Variants in PDE4B observed in about 807,000 individuals in gnomAD.
PDE4B encodes 3',5'-cyclic-AMP phosphodiesterase 4B.
PDE4B carries 20 observed loss-of-function variants against 82.2 expected under a neutral mutation model. That is an observed-to-expected ratio of 0.24 (90% CI 0.17 to 0.35). The LOEUF (loss-of-function observed/expected upper bound fraction) is 0.35, where lower values mean the gene tolerates loss of function less well. Ranked by LOEUF, PDE4B falls within the 10% of genes least tolerant of loss-of-function variation. PDE4B has a pLI of 1.00. For missense variants in PDE4B, 655 were observed against 907.2 expected (o/e 0.72, Z 3.57); for synonymous variants, 320 against 318.9 (o/e 1.00, Z -0.04).
At chr1:65,936,137 G>A (rs1648123112) in intron 3 of PDE4B, among the ~76,000 whole-genome samples, 1 of 151,768 alleles carries the variant, frequency 6.6e-6, no homozygotes, top group Non-Finnish European at 1.5e-5. Flanking sequence ...CAACATCTGT[G>A]TCTTCCACCT....
chr1:66,249,794 T>C (rs1159982440), intron 4 of PDE4B, among the ~76,000 whole-genome samples: 1 of 151,960 alleles, frequency 6.6e-6, no homozygotes, highest in Non-Finnish European at 1.5e-5. Context: ...AGGACTTAGA[T>C]AAAAAGTAGT....
At chr1:66,259,150 A>G (rs985424498) in intron 6 of PDE4B, among the ~76,000 whole-genome samples, 1 of 152,162 alleles carries the variant, frequency 6.6e-6, no homozygotes, top group Non-Finnish European at 1.5e-5. Context: ...TTATTTATTT[A>G]TGTATTTACT....
chr1:66,190,007 G>T (rs1222615618), intron 3 of PDE4B, among the ~76,000 whole-genome samples: 8 of 152,104 alleles, frequency 5.3e-5, no homozygotes, highest in African/African-American at 1.7e-4. Context: ...AAGAAATGGG[G>T]TTTTGGTGTG....
At chr1:66,136,420 G>A (rs564028326) in intron 3 of PDE4B, among the ~76,000 whole-genome samples, 1 of 152,176 alleles carries the variant, frequency 6.6e-6, no homozygotes, top group East Asian at 1.9e-4. Context: ...GCTCACAAAG[G>A]GGCAGGGCAC....
intron 3 of PDE4B, among the ~76,000 whole-genome samples, chr1:66,030,033 G>C (rs867219594): frequency 7.4e-5 from 5 of 67,638 alleles, no homozygotes; most frequent in Non-Finnish European, 1.1e-4. Flanking sequence ...CTAATCTGTT[G>C]AGGGTTTTTT....
intron 7 of PDE4B, among the ~76,000 whole-genome samples, chr1:66,268,202 G>GAA (rs1655191740): frequency 6.6e-6 from 1 of 152,010 alleles, no homozygotes; most frequent in East Asian, 1.9e-4. Context: ...GAGAGAGAGA[G>GAA]AAATACCAAA....
intron 3 of PDE4B, among the ~76,000 whole-genome samples, chr1:65,961,931 G>A (rs1245353270): frequency 6.6e-6 from 1 of 152,164 alleles, no homozygotes; most frequent in Non-Finnish European, 1.5e-5. Context: ...CGGCTGAAGA[G>A]TCTGTAGCAT....
chr1:66,029,871 A>G (rs561060326), intron 3 of PDE4B, among the ~76,000 whole-genome samples: 2 of 152,312 alleles, frequency 1.3e-5, no homozygotes, highest in Admixed American at 6.5e-5. Flanking sequence ...ATAACAATAA[A>G]TGATCTTTGC....
intron 3 of PDE4B, among the ~76,000 whole-genome samples, chr1:66,121,495 G>A (rs76165263): frequency 0.062 from 9,456 of 152,206 alleles, 431 homozygotes; most frequent in South Asian, 0.18. Context: ...ACAGCACTGA[G>A]TTATTAAGCT....
intron 1 of PDE4B, among the ~76,000 whole-genome samples, chr1:65,905,278 A>G (rs1647016395): frequency 6.6e-6 from 1 of 152,186 alleles, no homozygotes; most frequent in Non-Finnish European, 1.5e-5. Context: ...AAATGACATC[A>G]AAGCTGAAGG....
At chr1:65,800,847 A>AT (rs1465197468) in intron 1 of PDE4B, among the ~76,000 whole-genome samples, 2 of 152,198 alleles carry the variant, frequency 1.3e-5, no homozygotes, top group African/African-American at 4.8e-5. Flanking sequence ...GGGAACAAAC[A>AT]TTTTGCTGAA....
chr1:65,858,377 T>C (rs1646416485), intron 1 of PDE4B, among the ~76,000 whole-genome samples: 1 of 152,236 alleles, frequency 6.6e-6, no homozygotes, highest in Admixed American at 6.5e-5. Context: ...ACTACCATTG[T>C]ACATACCTGA....
At chr1:66,068,674 C>T (rs1047709891) in intron 3 of PDE4B, among the ~76,000 whole-genome samples, 5 of 151,810 alleles carry the variant, frequency 3.3e-5, no homozygotes, top group African/African-American at 7.3e-5. Flanking sequence ...TAAATATAAT[C>T]GCTCATACAA....
At position 66,169,927 on chromosome 1, in the gene PDE4B, A is replaced by G. The variant is rs6664311; in HGVS notation, c.282-77533A>G. Among the ~76,000 whole-genome samples the G allele has an allele frequency of 8.5e-3, 1,291 of 152,340 alleles. 30 individuals are homozygous for G. The highest frequency in any genetic ancestry group is 0.029 in the African/African-American group (1,205 of 41,588). ...TGATTTCTTAAGCAAACTATTGACA[A>G]TGTTCCTGTTGAATGCTTACATGTT... On this transcript the variant is annotated intron_variant, in intron 3 of 16. Transcript: ENST00000341517.
At chr1:65,973,673 A>T (rs1034564187) in intron 3 of PDE4B, among the ~76,000 whole-genome samples, 1 of 152,206 alleles carries the variant, frequency 6.6e-6, no homozygotes, top group Non-Finnish European at 1.5e-5. Context: ...ACAACACAAG[A>T]TCTCTCTCTT....
chr1:66,356,992 G>T (rs996951479), intron 9 of PDE4B, among the ~76,000 whole-genome samples: 3 of 143,218 alleles, frequency 2.1e-5, no homozygotes, highest in Non-Finnish European at 3.0e-5. Flanking sequence ...TGAAGACAGG[G>T]ATCTTCTGCT....
At chr1:66,270,111 G>A (rs139323945) in intron 7 of PDE4B, among the ~76,000 whole-genome samples, 2 of 152,188 alleles carry the variant, frequency 1.3e-5, no homozygotes, top group Non-Finnish European at 2.9e-5. Flanking sequence ...AGGACTTCAA[G>A]CCAGATTGCT....
intron 7 of PDE4B, among the ~76,000 whole-genome samples, chr1:66,329,270 T>C (rs1659944977): frequency 6.6e-6 from 1 of 152,186 alleles, no homozygotes; most frequent in African/African-American, 2.4e-5. Flanking sequence ...ACATTAACAA[T>C]GGGGAAATTA....
intron 3 of PDE4B, among the ~76,000 whole-genome samples, chr1:66,117,259 A>T (rs1570275236): frequency 6.6e-6 from 1 of 152,244 alleles, no homozygotes; most frequent in African/African-American, 2.4e-5. Context: ...GTTGCCAGAA[A>T]AAAAAAGTTG....
Sources: gnomAD v4.1 joint callset for allele counts (sites outside exome capture counted in the v4.1 genomes callset) on GRCh38, gnomAD v4.1.1 for gene constraint, MANE v1.5 for transcripts, NCBI Gene and HGNC (gene_info 2026-07-23, HGNC 2026-07-21) for gene names.